Variants in STUM observed in about 807,000 individuals in gnomAD.
STUM encodes stum, mechanosensory transduction mediator homolog.
In STUM, 8 loss-of-function variants were observed where a neutral mutation model predicts 15.3. The observed-to-expected ratio is 0.52, with a 90% CI of 0.31 to 0.94. The LOEUF is 0.94. STUM is among the 40% of genes least tolerant of loss of function. The pLI, the probability that STUM is intolerant of heterozygous loss-of-function variation, is 0.05. For synonymous variants in STUM, 78 were observed against 88.7 expected (o/e 0.88, Z 0.68); for missense variants, 142 against 204.9 (o/e 0.69, Z 1.87).
intron 1 of STUM, among the ~76,000 whole-genome samples, chr1:226,568,252 T>C (rs7533202): frequency 0.18 from 27,439 of 152,176 alleles, 3,581 homozygotes; most frequent in African/African-American, 0.37. Context: ...AGTTTGTGCT[T>C]CTAGAGTAGT....
intron 1 of STUM, among the ~76,000 whole-genome samples, chr1:226,593,922 G>A (rs1171347535): frequency 6.6e-6 from 1 of 152,164 alleles, no homozygotes; most frequent in Non-Finnish European, 1.5e-5. Flanking sequence ...TTTAACAAAT[G>A]CCACAGGCGA....
intron 1 of STUM, among the ~76,000 whole-genome samples, chr1:226,559,263 G>A (rs987322618): frequency 1.3e-5 from 2 of 152,128 alleles, no homozygotes; most frequent in African/African-American, 4.8e-5. Flanking sequence ...GTGGAGAAGA[G>A]CCTGCCTTGA....
intron 1 of STUM, among the ~76,000 whole-genome samples, chr1:226,586,994 G>C (rs1151806): frequency 2.0e-5 from 3 of 152,078 alleles, no homozygotes; most frequent in African/African-American, 7.2e-5. Context: ...TGGCAGGCTC[G>C]CAGTTAGGGA....
rs1667343243 is a variant in STUM at position 226,549,875 on chromosome 1, A to C, written c.202+769A>C. On this transcript the variant is annotated intron_variant, in intron 1 of 3. Coordinates refer to ENST00000366788, the MANE Select transcript of STUM (RefSeq NM_001003665.4). The surrounding 1 kb of genome is among the most constrained non-coding windows in gnomAD (Gnocchi z 6.8). The stretch of plus-strand genomic sequence containing the variant: ...GGGGTTCTGGTGGCATCTATGTCCC[A>C]CGTTTTAAAGCAGAGGCCCCTTACA... Among the ~76,000 whole-genome samples, 1 of 152,182 alleles carries C rather than the reference A, an allele frequency of 6.6e-6. No individual in the cohort carries two copies. The highest frequency in any genetic ancestry group is 1.5e-5 in the Non-Finnish European group (1 of 68,022).
chr1:226,563,420 CA>C (rs1649646592), intron 1 of STUM, among the ~76,000 whole-genome samples: 2 of 152,358 alleles, frequency 1.3e-5, no homozygotes, highest in South Asian at 4.1e-4. Flanking sequence ...TAAGGGCACA[CA>C]AAAGTTTATT....
rs886802380 is a variant in STUM at position 226,609,038 on chromosome 1, A to G, written c.*6998A>G. 2.2e-4 allele frequency: 34 copies of G among 152,252 alleles called. No individual in the cohort carries two copies. The highest frequency in any genetic ancestry group is 8.2e-4 in the African/African-American group (34 of 41,468). The allele number at this position is 152,252 out of a possible 1,614,324, so 9.4% of individuals were successfully genotyped here. ...TATATGACAGTCAAAACCTGTGTACATATTTCCATGTACATATTTATACAT... is the reference window on the plus strand; with the variant it reads ...TATATGACAGTCAAAACCTGTGTACGTATTTCCATGTACATATTTATACAT... On this transcript the variant is annotated 3_prime_UTR_variant, in exon 4 of 4. Transcript: ENST00000366788.
At chr1:226,573,916 C>A (rs1224551692) in intron 1 of STUM, among the ~76,000 whole-genome samples, 1 of 151,738 alleles carries the variant, frequency 6.6e-6, no homozygotes, top group East Asian at 1.9e-4. Context: ...CTCACTGCAA[C>A]CTCCACCTCC....
chr1:226,572,132 C>T (rs925837835), intron 1 of STUM, among the ~76,000 whole-genome samples: 4 of 152,128 alleles, frequency 2.6e-5, no homozygotes, highest in Non-Finnish European at 5.9e-5. Context: ...ATGATGATAC[C>T]GGCTGCGGTG....
In STUM at chr1:226,569,851, G is replaced by T. The variant is rs114882547; in HGVS notation, c.202+20745G>T. ...GCTGTCTGGTAGAAATACTGAAGAG[G>T]GGTAGAGCCTGGCAGGGAGATAAGT... On this transcript the variant is annotated intron_variant, in intron 1 of 3. Coordinates refer to ENST00000366788, the MANE Select transcript of STUM (RefSeq NM_001003665.4). Among the ~76,000 whole-genome samples the T allele has an allele frequency of 9.0e-3, 1,366 of 152,270 alleles. 25 individuals are homozygous for T. The highest frequency in any genetic ancestry group is 0.032 in the African/African-American group (1,315 of 41,544).
At chr1:226,576,426 C>A (rs1048242798) in intron 1 of STUM, among the ~76,000 whole-genome samples, 1 of 152,162 alleles carries the variant, frequency 6.6e-6, no homozygotes, top group South Asian at 2.1e-4. Context: ...GAAATTCATT[C>A]GTGGAGAGAT....
At chr1:226,593,554 G>A (rs561406129) in intron 1 of STUM, among the ~76,000 whole-genome samples, 52 of 152,252 alleles carry the variant, frequency 3.4e-4, no homozygotes, top group African/African-American at 1.2e-3. Flanking sequence ...GTTCTTGAGG[G>A]CAGGGGTTCA....
At chr1:226,556,228 C>T (rs1667443556) in intron 1 of STUM, among the ~76,000 whole-genome samples, 1 of 151,920 alleles carries the variant, frequency 6.6e-6, no homozygotes, top group South Asian at 2.1e-4. Flanking sequence ...AGATAGCTTG[C>T]TAAGCAGAGG....
chr1:226,580,122 C>T (rs511562), intron 1 of STUM, among the ~76,000 whole-genome samples: 111,048 of 151,848 alleles, frequency 0.73, 41,175 homozygotes, highest in African/African-American at 0.86. Context: ...AAGAGACATT[C>T]AGAAGTAAAA....
At chr1:226,583,904 A>G (rs1261302450) in intron 1 of STUM, among the ~76,000 whole-genome samples, 1 of 152,012 alleles carries the variant, frequency 6.6e-6, no homozygotes, top group Non-Finnish European at 1.5e-5. Context: ...ATCCTCGCCC[A>G]CTTCTTCTAT....
At chr1:226,601,387 AG>A (rs1198480983) in intron 3 of STUM, among the ~76,000 whole-genome samples, 1 of 152,206 alleles carries the variant, frequency 6.6e-6, no homozygotes, top group East Asian at 1.9e-4. Flanking sequence ...GGCCTCCCAA[AG>A]GGTATCTTCT....
At chr1:226,579,992 C>T (rs1183589309) in intron 1 of STUM, among the ~76,000 whole-genome samples, 1 of 152,158 alleles carries the variant, frequency 6.6e-6, no homozygotes, top group Non-Finnish European at 1.5e-5. Context: ...TGAAAACATC[C>T]CTGTAGCTGT....
At chr1:226,569,820 A>G (rs1667678917) in intron 1 of STUM, among the ~76,000 whole-genome samples, 1 of 152,124 alleles carries the variant, frequency 6.6e-6, no homozygotes, top group Non-Finnish European at 1.5e-5. Flanking sequence ...GGATGGTGGG[A>G]TCTGCGCTGT....
intron 1 of STUM, among the ~76,000 whole-genome samples, chr1:226,553,583 A>T (rs4653751): frequency 0.12 from 18,545 of 152,264 alleles, 1,536 homozygotes; most frequent in East Asian, 0.3. Context: ...AAGAAACATA[A>T]TCAGAAACTT....
rs764555545 is a variant in STUM at position 226,548,954 on chromosome 1, TGGCGGCGGC to T, written c.53_61del (p.Ala18_Ala20del). 52 of 1,462,776 alleles carry T rather than the reference TGGCGGCGGC, an allele frequency of 3.6e-5. No homozygotes were observed. Among genetic ancestry groups the T allele is most frequent in the South Asian group, 2.6e-4 (19 of 73,780 alleles). 90.6% of individuals were successfully genotyped at this position (1,462,776 alleles called of 1,614,324 possible). On this transcript the variant is annotated inframe_deletion, in exon 1 of 4. Coordinates refer to ENST00000366788, the MANE Select transcript of STUM (RefSeq NM_001003665.4). Reference sequence around the variant, plus strand: ...GAGACGGCGGCGGCGGCGGCGGCGGTGGCGGCGGCGGACCCCCGGGGGGCGTCCTCGTCC... The same window carrying T: ...GAGACGGCGGCGGCGGCGGCGGCGGTGGACCCCCGGGGGGCGTCCTCGTCC...
Sources: gnomAD v4.1 joint callset for allele counts (sites outside exome capture counted in the v4.1 genomes callset) on GRCh38, gnomAD v4.1.1 for gene constraint, Gnocchi (gnomAD v3.1) non-coding constraint, MANE v1.5 for transcripts, NCBI Gene and HGNC (gene_info 2026-07-23, HGNC 2026-07-21) for gene names.